Variants in PIEZO1 observed in about 807,000 individuals in gnomAD.
PIEZO1 encodes piezo-type mechanosensitive ion channel component 1.
PIEZO1 carries 296 observed loss-of-function variants against 297.2 expected under a neutral mutation model. The ratio of observed to expected loss-of-function variants is 1.00; its 90% CI spans 0.91 to 1.10. The LOEUF (loss-of-function observed/expected upper bound fraction) is 1.10, where lower values mean the gene tolerates loss of function less well. Among genes scored for constraint, PIEZO1 ranks in the 50% least tolerant of loss-of-function variants. PIEZO1 has a pLI of 0.00. For missense variants in PIEZO1, 5,018 were observed against 3,455.5 expected (o/e 1.45, Z -11.34); for synonymous variants, 2,427 against 1,507.5 (o/e 1.61, Z -14.13).
At chr16:88,781,337 C>T (rs945633340) in intron 1 of PIEZO1, among the ~76,000 whole-genome samples, 2 of 152,234 alleles carry the variant, frequency 1.3e-5, no homozygotes, top group African/African-American at 4.8e-5. Flanking sequence ...GCTGGAGCTC[C>T]CTGTGTCCTG....
intron 16 of PIEZO1, 50 bp from the exon 17 acceptor site, chr16:88,734,104 A>C: frequency 6.8e-7 from 1 of 1,467,214 alleles, no homozygotes; most frequent in Non-Finnish European, 9.1e-7. Context: ...CCTGCCCCTC[A>C]TTTCCTGGGG....
In PIEZO1 at chr16:88,737,627, G is replaced by GGTGCTGTGGGCACCAC; in HGVS notation, c.1111_1126dup (p.Pro376ArgfsTer11). On this transcript the variant is annotated frameshift_variant, in exon 10 of 51. Coordinates refer to ENST00000301015, the MANE Select transcript of PIEZO1 (RefSeq NM_001142864.4). LOFTEE classifies it high-confidence loss of function. ...GATGCAGTTATCAGCCTCGGTGTCGGGTGCTGTGGGCACCACGTGCTGTGG... is the reference window on the plus strand; with the variant it reads ...GATGCAGTTATCAGCCTCGGTGTCGGGTGCTGTGGGCACCACGTGCTGTGGGCACCACGTGCTGTGG... 7 of 1,534,892 alleles carry GGTGCTGTGGGCACCAC rather than the reference G, an allele frequency of 4.6e-6. No individual in the cohort carries two copies. The highest frequency in any genetic ancestry group is 2.4e-5 in the South Asian group (2 of 84,040).
chr16:88,759,288 T>G (rs377025561), intron 1 of PIEZO1, among the ~76,000 whole-genome samples: 257 of 152,288 alleles, frequency 1.7e-3, no homozygotes, highest in African/African-American at 5.9e-3. Context: ...TGCTAGGTCT[T>G]GACTTCTTTT....
intron 22 of PIEZO1, among the ~76,000 whole-genome samples, chr16:88,728,486 G>C (rs1445542785): frequency 4.6e-5 from 6 of 129,310 alleles, no homozygotes; most frequent in East Asian, 2.6e-4. Context: ...AGTGACCCTC[G>C]ATGCTGGGGA....
Position 88,738,663 on chromosome 16 carries a change from C to T in PIEZO1, c.539G>A (p.Arg180Gln), listed in dbSNP as rs1353290865. ...GAAACGAGCGGCCAGCCGTGACCTCCGTGTAGGGGCCAGCGTTGCTGCTTC... is the reference window on the plus strand; with the variant it reads ...GAAACGAGCGGCCAGCCGTGACCTCTGTGTAGGGGCCAGCGTTGCTGCTTC... ...LQEAATLAPT[R>Q]RSRLAARFRV... The change falls in exon 6 of 51, where the codon CGG (arginine) becomes CAG (glutamine). Residue 180 changes from arginine to glutamine, a missense_variant. Coordinates refer to ENST00000301015, the MANE Select transcript of PIEZO1 (RefSeq NM_001142864.4). 19 of 1,535,500 alleles carry T rather than the reference C, an allele frequency of 1.2e-5. No homozygotes were observed. Among genetic ancestry groups the T allele is most frequent in the African/African-American group, 2.7e-5 (2 of 73,052 alleles).
Position 88,719,583 on chromosome 16 carries a change from C to G in PIEZO1, c.6462G>C (p.Glu2154Asp), listed in dbSNP as rs944275585. Reference protein sequence around the residue: ...ANIFIIKCSRETEKKYPQPKG... With the variant: ...ANIFIIKCSRDTEKKYPQPKG... ...CCCTGGGCCCAGGCACCTTCTCTGT[C>G]TCTCGGCTGCATTTGATGATGAAGA... The change falls in exon 44 of 51, where the codon GAG becomes GAC. Residue 2154 changes from glutamate (E) to aspartate (D), a missense_variant. By Grantham distance (45) the Glu-to-Asp change is conservative. Transcript: ENST00000301015. 11 of 1,550,636 alleles carry G rather than the reference C, an allele frequency of 7.1e-6. No homozygotes were observed. The highest frequency in any genetic ancestry group is 4.8e-5 in the South Asian group (4 of 84,066).
intron 1 of PIEZO1, among the ~76,000 whole-genome samples, chr16:88,783,440 G>T (rs1193571872): frequency 6.6e-6 from 1 of 152,218 alleles, no homozygotes; most frequent in Non-Finnish European, 1.5e-5. Flanking sequence ...ATCTGAGAGG[G>T]GGGGCATTCC....
At chr16:88,749,323 C>A (rs1906258911) in intron 2 of PIEZO1, 61 bp downstream of exon 2, 2 of 1,117,006 alleles carry the variant, frequency 1.8e-6, no homozygotes, top group East Asian at 6.1e-5. Flanking sequence ...CGAATTTTGG[C>A]CCCAAACGAA....
chr16:88,737,665 G>T lies in PIEZO1; in HGVS notation c.1108-19C>A. 6.5e-7 allele frequency: 1 copy of T among 1,533,298 alleles called. No homozygotes were observed. The highest frequency in any genetic ancestry group is 8.7e-7 in the Non-Finnish European group (1 of 1,144,852). The allele number at this position is 1,533,298 out of a possible 1,614,324, so 95.0% of individuals were successfully genotyped here. On this transcript the variant is annotated intron_variant, in intron 9 of 50. Coordinates refer to ENST00000301015, the MANE Select transcript of PIEZO1 (RefSeq NM_001142864.4). Reference sequence around the variant, plus strand: ...CCACGTGCTGTGGGCAAGCAGCGCTGAGCCATGCACGGGCTGGCCGGGCGC... The same window carrying T: ...CCACGTGCTGTGGGCAAGCAGCGCTTAGCCATGCACGGGCTGGCCGGGCGC...
chr16:88,771,756 T>C (rs968215039), intron 1 of PIEZO1, among the ~76,000 whole-genome samples: 27 of 142,782 alleles, frequency 1.9e-4, no homozygotes, highest in African/African-American at 6.5e-4. Flanking sequence ...TGAGACTCTA[T>C]GCCCGTCCAC....
chr16:88,727,133 T>C lies in PIEZO1; in HGVS notation c.3361A>G (p.Thr1121Ala), dbSNP rs1904505782. The change falls in exon 24 of 51, where the codon ACA becomes GCA. Residue 1121 changes from threonine (T) to alanine (A), a missense_variant. Transcript: ENST00000301015. ...CCAGCCATGCGCTGCCACTCCTCTG[T>C]GCGCTCAGCTGAGAACACCTGCCAC... The part of the protein sequence containing the change: ...QQWQVFSAER[T>A]EEWQRMAGVN... The C allele has an allele frequency of 1.9e-6, 3 of 1,549,856 alleles. No individual in the cohort carries two copies. The highest frequency in any genetic ancestry group is 2.6e-6 in the Non-Finnish European group (3 of 1,146,666).
At position 88,734,421 on chromosome 16, in the gene PIEZO1, G is replaced by T. The variant is rs1357195620; in HGVS notation, c.2115C>A (p.Phe705Leu). ...CGTGCTCCATGTCGGTGAGCTGCAT[G>T]AAGGGCCTGTGGAAGTAGTGCAGCT... ...ILQLHYFHRP[F>L]MQLTDMEHVS... Residue 705 changes from phenylalanine (F) to leucine (L), a missense_variant, in exon 16 of 51, where the codon TTC (phenylalanine) becomes TTA (leucine). Physicochemically the swap from Phe to Leu is conservative, Grantham distance 22. Transcript: ENST00000301015. The T allele has an allele frequency of 6.5e-7, 1 of 1,549,804 alleles. No individual in the cohort carries two copies.
chr16:88,741,385 C>T, intron 5 of PIEZO1, 93 bp downstream of exon 5: 2 of 1,187,688 alleles, frequency 1.7e-6, no homozygotes, highest in Non-Finnish European at 2.3e-6. Context: ...ACGTCTACAT[C>T]TGTTTTAAAA....
rs764125181 is a variant in PIEZO1, at chr16:88,736,702, C to T, written c.1233G>A (p.Pro411=). The T allele has an allele frequency of 6.2e-5, 95 of 1,532,678 alleles. No homozygotes were observed. The highest frequency in any genetic ancestry group is 4.4e-4 in the South Asian group (37 of 83,920). 94.9% of individuals were successfully genotyped at this position (1,532,678 alleles called of 1,614,324 possible). A position where few individuals can be genotyped will look rare whatever the true frequency, so the allele number is the denominator to read the frequency against. ...TGATGAGGTGGCCCAGGCTGTGGAGCGGAGACGCCTCCCTGGGCTCAGCCC... is the reference window on the plus strand; with the variant it reads ...TGATGAGGTGGCCCAGGCTGTGGAGTGGAGACGCCTCCCTGGGCTCAGCCC... ...PKRAEPREAS[P]LHSLGHLIMD... The change falls in exon 11 of 51, where the codon CCG becomes CCA. Residue 411 remains proline (P), a synonymous_variant. Coordinates refer to ENST00000301015, the MANE Select transcript of PIEZO1 (RefSeq NM_001142864.4).
chr16:88,717,273 C>T (rs776981834), intron 44 of PIEZO1, 62 bp from the exon 45 acceptor site: 1 of 1,438,172 alleles, frequency 7.0e-7, no homozygotes, highest in South Asian at 1.2e-5. Flanking sequence ...CACACAACCG[C>T]ATTCTCCAGC....
intron 16 of PIEZO1, 123 bp downstream of exon 16, chr16:88,734,233 G>A (rs1160473130): frequency 1.7e-6 from 2 of 1,197,312 alleles, no homozygotes; most frequent in Non-Finnish European, 2.3e-6. Flanking sequence ...CCCTTGGTAT[G>A]AGCAAATGCC....
rs757098220 is a variant in PIEZO1 at position 88,736,708 on chromosome 16, C to T, written c.1227G>A (p.Ala409=). 46 of 1,532,590 alleles carry T rather than the reference C, an allele frequency of 3.0e-5. No homozygotes were observed. Among genetic ancestry groups the T allele is most frequent in the Admixed American group, 1.6e-4 (8 of 50,848 alleles). 94.9% of individuals were successfully genotyped at this position (1,532,590 alleles called of 1,614,324 possible). Residue 409 remains alanine (A), a synonymous_variant, in exon 11 of 51, where the codon GCG becomes GCA. Coordinates refer to ENST00000301015, the MANE Select transcript of PIEZO1 (RefSeq NM_001142864.4). ...VRPKRAEPRE[A]SPLHSLGHLI... Reference sequence around the variant, plus strand: ...GGTGGCCCAGGCTGTGGAGCGGAGACGCCTCCCTGGGCTCAGCCCGCTTGG... The same window carrying T: ...GGTGGCCCAGGCTGTGGAGCGGAGATGCCTCCCTGGGCTCAGCCCGCTTGG...
intron 29 of PIEZO1, 132 bp from the exon 30 acceptor site, chr16:88,725,212 G>C: frequency 2.8e-6 from 2 of 722,104 alleles, no homozygotes; most frequent in South Asian, 2.0e-5. Context: ...GGGCCGTGTG[G>C]GGCCATGGGG....
chr16:88,783,579 C>T (rs1258457372), intron 1 of PIEZO1, among the ~76,000 whole-genome samples: 1 of 152,168 alleles, frequency 6.6e-6, no homozygotes, highest in Non-Finnish European at 1.5e-5. Flanking sequence ...GCCTCTGTGC[C>T]AGGCTGTCCT....
Sources: gnomAD v4.1 joint callset for allele counts (sites outside exome capture counted in the v4.1 genomes callset) on GRCh38, gnomAD v4.1.1 for gene constraint, MANE v1.5 for transcripts, NCBI Gene and HGNC (gene_info 2026-07-23, HGNC 2026-07-21) for gene names.